COL12A1: variants seen among roughly 807,000 people sequenced by gnomAD.
COL12A1 encodes the protein collagen type XII alpha 1 chain.
In COL12A1, 114 loss-of-function variants were observed where a neutral mutation model predicts 349.7. The ratio of observed to expected loss-of-function variants is 0.33; its 90% CI spans 0.28 to 0.38. The LOEUF (loss-of-function observed/expected upper bound fraction) is 0.38, where lower values mean the gene tolerates loss of function less well. Ranked by LOEUF, COL12A1 falls within the 10% of genes least tolerant of loss-of-function variation. The probability of loss-of-function intolerance (pLI) is 1.00; values close to 1 mark genes in which losing one functional copy is unlikely to be tolerated. For missense variants in COL12A1, 3,284 were observed against 3,756.9 expected, an observed-to-expected ratio of 0.87 and a Z score of 3.29; for synonymous variants, 1,369 against 1,329.0, an observed-to-expected ratio of 1.03 and a Z score of -0.66.
Position 75,134,757 on chromosome 6 carries a change from T to C in COL12A1, c.5493A>G (p.Glu1831=), listed in dbSNP as rs747217911. 1.7e-5 allele frequency: 27 copies of C among 1,609,492 alleles called. No individual in the cohort carries two copies. Among genetic ancestry groups the C allele is most frequent in the Non-Finnish European group, 2.5e-6 (3 of 1,176,992 alleles). ...ITVSSLYPDG[E]GGRMTGRGKT... ...TGCCTCTTCCCGTCATCCGACCTCC[T>C]TCACCATCAGGATACAGAGAGGATA... Residue 1831 remains glutamate, a synonymous_variant, in exon 32 of 66, where the codon GAA becomes GAG. Coordinates refer to ENST00000322507, the MANE Select transcript of COL12A1 (RefSeq NM_004370.6).
chr6:75,130,007 A>G, intron 37 of COL12A1, 84 bp downstream of exon 37: 1 of 1,494,218 alleles, frequency 6.7e-7, no homozygotes, highest in Non-Finnish European at 9.1e-7. Context: ...AACCGTACTC[A>G]CAGCATACCT....
chr6:75,167,450 A>G (rs17710795), intron 13 of COL12A1, among the ~76,000 whole-genome samples: 12,550 of 152,274 alleles, frequency 0.082, 737 homozygotes, highest in Non-Finnish European at 0.12. Flanking sequence ...ACGTTTCAAA[A>G]AAGTATCAGA....
intron 51 of COL12A1, among the ~76,000 whole-genome samples, chr6:75,111,818 CT>C (rs572637717): frequency 3.0e-4 from 44 of 146,572 alleles, no homozygotes; most frequent in African/African-American, 2.7e-4. Flanking sequence ...TTTGTTTTTC[CT>C]TTTTTTTTTG....
Position 75,106,356 on chromosome 6 carries a change from C to T in COL12A1, c.8178+63G>A. On this transcript the variant is annotated intron_variant, in intron 53 of 65. Coordinates refer to ENST00000322507, the MANE Select transcript of COL12A1 (RefSeq NM_004370.6). Reference sequence around the variant, plus strand: ...GTGCAGTGCTACTTCCTCTCCCAGGCACAAGGGTTTATTACTGGGGGACTG... The same window carrying T: ...GTGCAGTGCTACTTCCTCTCCCAGGTACAAGGGTTTATTACTGGGGGACTG... The T allele has an allele frequency of 2.2e-6, 3 of 1,379,726 alleles. No individual in the cohort carries two copies. The Admixed American group carries it at 5.1e-5, about 24-fold the overall frequency. The allele number at this position is 1,379,726 out of a possible 1,614,324, so 85.5% of individuals were successfully genotyped here. A position where few individuals can be genotyped will look rare whatever the true frequency, so the allele number is the denominator to read the frequency against.
chr6:75,196,533 C>G (rs1770234882), intron 2 of COL12A1, among the ~76,000 whole-genome samples: 1 of 152,112 alleles, frequency 6.6e-6, no homozygotes, highest in African/African-American at 2.4e-5. Flanking sequence ...TTCTTACTAT[C>G]CATACACAGG....
At chr6:75,163,195 A>G (rs560883089) in intron 14 of COL12A1, among the ~76,000 whole-genome samples, 11 of 152,348 alleles carry the variant, frequency 7.2e-5, no homozygotes, top group Non-Finnish European at 1.2e-4. Flanking sequence ...TCATTCTACT[A>G]TAAATACACA....
chr6:75,138,330 T>C lies in COL12A1; in HGVS notation c.5241A>G (p.Leu1747=). The stretch of plus-strand genomic sequence containing the variant: ...AAATTAAATTCTTACCTTGTGTTGT[T>C]AAGATAGGCACTAAAAGAAAACAGA... The part of the protein sequence containing the change: ...LIGSERTLPI[L]TTQAPKSGPR... Residue 1747 remains leucine (L), a synonymous_variant, in exon 30 of 66, where the codon TTA becomes TTG. Transcript: ENST00000322507. The C allele has an allele frequency of 6.2e-7, 1 of 1,610,654 alleles. No individual in the cohort carries two copies. Among genetic ancestry groups the C allele is most frequent in the Non-Finnish European group, 8.5e-7 (1 of 1,178,798 alleles).
At chr6:75,094,720 C>T (rs573087443) in intron 60 of COL12A1, among the ~76,000 whole-genome samples, 78 of 152,140 alleles carry the variant, frequency 5.1e-4, no homozygotes, top group Non-Finnish European at 9.6e-4. Context: ...AAAGGGTTAA[C>T]ATTAGCAAGC....
chr6:75,202,911 A>G, intron 1 of COL12A1, 84 bp from the exon 2 acceptor site: 7 of 836,940 alleles, frequency 8.4e-6, no homozygotes, highest in Non-Finnish European at 1.3e-5. Context: ...GACCTAGTCC[A>G]GAACCCGACC....
chr6:75,180,587 G>T (rs929142896), intron 11 of COL12A1, among the ~76,000 whole-genome samples: 1 of 148,842 alleles, frequency 6.7e-6, no homozygotes, highest in South Asian at 2.1e-4. Flanking sequence ...TATATTTGCC[G>T]TAACTCTGTA....
intron 27 of COL12A1, among the ~76,000 whole-genome samples, chr6:75,141,704 C>T (rs561003808): frequency 1.3e-5 from 2 of 152,214 alleles, no homozygotes; most frequent in South Asian, 2.1e-4. Flanking sequence ...GCATCTTTTC[C>T]AAAGCAAATG....
At chr6:75,113,153 T>C (rs1354541965) in intron 51 of COL12A1, 51 bp downstream of exon 51, 20 of 894,546 alleles carry the variant, frequency 2.2e-5, no homozygotes, top group Non-Finnish European at 3.1e-5. Flanking sequence ...ATAATAAATT[T>C]GTTTTATATT....
Position 75,156,530 on chromosome 6 carries a change from G to A in COL12A1, c.2984-7C>T, listed in dbSNP as rs1327039652. The A allele has an allele frequency of 1.2e-6, 2 of 1,612,426 alleles. No individual in the cohort carries two copies. Among genetic ancestry groups the A allele is most frequent in the Non-Finnish European group, 1.7e-6 (2 of 1,179,164 alleles). ...GTTTTGGAATCTTGAGATACTGGGAGATAAAAGGAAGATTAAACTGTATAC... is the reference window on the plus strand; with the variant it reads ...GTTTTGGAATCTTGAGATACTGGGAAATAAAAGGAAGATTAAACTGTATAC... On this transcript the variant is annotated splice_region_variant and splice_polypyrimidine_tract_variant and intron_variant, in intron 14 of 65. Transcript: ENST00000322507.
intron 11 of COL12A1, 79 bp downstream of exon 11, chr6:75,180,860 A>G (rs970543386): frequency 2.7e-6 from 4 of 1,500,844 alleles, no homozygotes; most frequent in Non-Finnish European, 3.6e-6. Flanking sequence ...TATAAAGCAG[A>G]TGGTTATTAC....
At position 75,084,979 on chromosome 6, in the gene COL12A1, T is replaced by C. The variant is rs1008390030; in HGVS notation, c.*1568A>G. The C allele has an allele frequency of 1.4e-5, 4 of 291,880 alleles. No homozygotes were observed. The highest frequency in any genetic ancestry group is 9.6e-5 in the South Asian group (3 of 31,126). 18.1% of individuals were successfully genotyped at this position (291,880 alleles called of 1,614,324 possible). ...TTGTTAACAAAGTATTTTGCAAGCA[T>C]TTCAAGGGCAAAGGCAAAAATGTCT... On this transcript the variant is annotated 3_prime_UTR_variant, in exon 66 of 66. Coordinates refer to ENST00000322507, the MANE Select transcript of COL12A1 (RefSeq NM_004370.6).
chr6:75,143,392 G>C lies in COL12A1; in HGVS notation c.4691-4C>G. 1 of 1,612,008 alleles carries C rather than the reference G, an allele frequency of 6.2e-7. No individual in the cohort carries two copies. The highest frequency in any genetic ancestry group is 8.5e-7 in the Non-Finnish European group (1 of 1,179,530). On this transcript the variant is annotated splice_polypyrimidine_tract_variant and splice_region_variant and intron_variant, in intron 25 of 65. Transcript: ENST00000322507. ...TCCTGAGGTCTGGGTAAAGGCACTA[G>C]AGAAGCACGAGATATTAAATCCAGA...
intron 3 of COL12A1, 142 bp downstream of exon 3, chr6:75,194,689 T>G: frequency 1.9e-6 from 1 of 524,768 alleles, no homozygotes; most frequent in Non-Finnish European, 3.4e-6. Context: ...GAAACCTGAG[T>G]TCAGCAAATG....
At chr6:75,121,280 C>T (rs371241493) in intron 44 of COL12A1, 22 bp downstream of exon 44, 1 of 1,545,426 alleles carries the variant, frequency 6.5e-7, no homozygotes, top group Non-Finnish European at 8.8e-7. Context: ...AAATGAGTAG[C>T]CACTGGCGGA....
intron 63 of COL12A1, 44 bp from the exon 64 acceptor site, chr6:75,089,218 G>A: frequency 7.2e-7 from 1 of 1,394,156 alleles, no homozygotes; most frequent in Non-Finnish European, 9.9e-7. Flanking sequence ...AAAATTATCT[G>A]GAAGCATGTA....
Sources: allele counts gnomAD v4.1 joint callset (sites outside exome capture counted in the v4.1 genomes callset), GRCh38; gene constraint gnomAD v4.1.1; transcripts MANE v1.5; gene names NCBI Gene and HGNC (gene_info 2026-07-23, HGNC 2026-07-21).